Variants in GPR158 observed in about 807,000 individuals in gnomAD.
GPR158 encodes the protein G protein-coupled receptor 158, also known as metabotropic glycine receptor.
In GPR158, 30 loss-of-function variants were observed where a neutral mutation model predicts 78.2. The observed-to-expected ratio is 0.38, with a 90% CI of 0.29 to 0.52. GPR158 has a LOEUF of 0.52. GPR158 is among the 20% of genes least tolerant of loss of function. GPR158 has a pLI of 0.83. For missense variants in GPR158, 1,463 were observed against 1,523.5 expected (o/e 0.96, Z 0.66); for synonymous variants, 581 against 591.1 (o/e 0.98, Z 0.25).
rs995094021 is a variant in GPR158, at chr10:25,562,552, T to G, written c.1515-10097T>G. 2.0e-5 allele frequency among the ~76,000 whole-genome samples: 3 copies of G among 152,216 alleles called. No individual in the cohort carries two copies. In the South Asian group the frequency reaches 6.2e-4, roughly 32 times the overall value. On this transcript the variant is annotated intron_variant, in intron 6 of 10. Coordinates refer to ENST00000376351, the MANE Select transcript of GPR158 (RefSeq NM_020752.3). ...CCTTAACCCATTCGTTAAGAGTATTTTGTTTAATGTTTACTTATCTGTGAA... is the reference window on the plus strand; with the variant it reads ...CCTTAACCCATTCGTTAAGAGTATTGTGTTTAATGTTTACTTATCTGTGAA...
rs1339001209 is a variant in GPR158 at position 25,601,958 on chromosome 10, C to T, written c.*2684C>T. The T allele has an allele frequency of 1.3e-5, 2 of 152,560 alleles. No individual in the cohort carries two copies. The highest frequency in any genetic ancestry group is 2.9e-5 in the Non-Finnish European group (2 of 68,022). The allele number at this position is 152,560 out of a possible 1,614,324, so 9.5% of individuals were successfully genotyped here. On this transcript the variant is annotated 3_prime_UTR_variant, in exon 11 of 11. Transcript: ENST00000376351. ...GTGGCAATATGGATTTGAAACTCGA[C>T]AGTTCTCTTGTATTTGCTTCCTAGG... is the stretch of plus-strand genomic sequence containing the variant.
intron 2 of GPR158, among the ~76,000 whole-genome samples, chr10:25,324,600 A>G (rs562212253): frequency 5.1e-4 from 77 of 152,320 alleles, no homozygotes; most frequent in African/African-American, 1.8e-3. Flanking sequence ...AATGTGACAC[A>G]CAGACGCAAA....
chr10:25,314,955 T>C (rs536674813), intron 2 of GPR158, among the ~76,000 whole-genome samples: 2 of 150,542 alleles, frequency 1.3e-5, no homozygotes, highest in South Asian at 4.2e-4. Context: ...ACATTTTGTA[T>C]ATTTTATTAA....
At chr10:25,476,767 A>C (rs150048551) in intron 5 of GPR158, among the ~76,000 whole-genome samples, 2,428 of 152,192 alleles carry the variant, frequency 0.016, 31 homozygotes, top group Non-Finnish European at 0.025. Context: ...TACTCAAATG[A>C]CATCAAACGG....
At chr10:25,371,146 T>C (rs576626108) in intron 2 of GPR158, among the ~76,000 whole-genome samples, 94 of 148,724 alleles carry the variant, frequency 6.3e-4, no homozygotes, top group African/African-American at 2.2e-3. Context: ...TGTCTTTTAA[T>C]TGGAGCACTT....
intron 1 of GPR158, among the ~76,000 whole-genome samples, chr10:25,177,415 G>A (rs909307240): frequency 4.6e-5 from 7 of 152,156 alleles, no homozygotes; most frequent in Non-Finnish European, 1.0e-4. Context: ...TGGGGGCTGA[G>A]GTTGCTTTTG....
chr10:25,496,869 T>C (rs2130653506), intron 5 of GPR158, among the ~76,000 whole-genome samples: 1 of 152,220 alleles, frequency 6.6e-6, no homozygotes, highest in South Asian at 2.1e-4. Flanking sequence ...TGAGGAACAG[T>C]TGTTTGATCA....
chr10:25,347,168 G>A (rs1302457452), intron 2 of GPR158, among the ~76,000 whole-genome samples: 2 of 151,946 alleles, frequency 1.3e-5, no homozygotes, highest in Non-Finnish European at 2.9e-5. Flanking sequence ...TGCATTCCTA[G>A]TTTGGAGACT....
At chr10:25,293,534 G>A (rs1934555) in intron 2 of GPR158, among the ~76,000 whole-genome samples, 3 of 152,108 alleles carry the variant, frequency 2.0e-5, no homozygotes, top group Non-Finnish European at 4.4e-5. Context: ...ATTTTTGGAG[G>A]CAAATTGGCA....
Position 25,418,848 on chromosome 10 carries a change from A to T in GPR158, c.1335+6375A>T, listed in dbSNP as rs142151888. On this transcript the variant is annotated intron_variant, in intron 4 of 10. Coordinates refer to ENST00000376351, the MANE Select transcript of GPR158 (RefSeq NM_020752.3). ...AAGAAAAGACTGATTTTTAAAAAAC[A>T]TGGACACACTGTAGTTGGTATTTTC... Among the ~76,000 whole-genome samples the T allele has an allele frequency of 5.4e-3, 804 of 149,872 alleles. 12 individuals carry two copies. Among genetic ancestry groups the T allele is most frequent in the African/African-American group, 0.019 (778 of 40,798 alleles).
At chr10:25,289,397 G>A (rs1854400810) in intron 2 of GPR158, among the ~76,000 whole-genome samples, 2 of 152,110 alleles carry the variant, frequency 1.3e-5, no homozygotes, top group Admixed American at 1.3e-4. Context: ...AGCAGGTGAG[G>A]AAAAAGCCTT....
chr10:25,182,391 T>G (rs1271205879), intron 1 of GPR158, among the ~76,000 whole-genome samples: 1 of 152,200 alleles, frequency 6.6e-6, no homozygotes, highest in African/African-American at 2.4e-5. Context: ...ACTTACTTTT[T>G]AAAAACAACC....
rs1837449632 is a variant in GPR158 at position 25,598,775 on chromosome 10, A to G, written c.3149A>G (p.His1050Arg). 6.2e-7 allele frequency: 1 copy of G among 1,614,006 alleles called. No individual in the cohort carries two copies. Among genetic ancestry groups the G allele is most frequent in the African/African-American group, 1.3e-5 (1 of 74,902 alleles). Reference sequence around the variant, plus strand: ...TTTTCCTTAAAGGAGAAATCTCACCACAAGCCTAAGGCAGCTGAGGTTTGT... The same window carrying G: ...TTTTCCTTAAAGGAGAAATCTCACCGCAAGCCTAAGGCAGCTGAGGTTTGT... ...PTFSLKEKSH[H>R]KPKAAEVCQQ... is the part of the protein sequence containing the mutation. The change falls in exon 11 of 11, where the codon CAC (histidine) becomes CGC (arginine). Residue 1050 changes from histidine (H) to arginine (R), a missense_variant. Transcript: ENST00000376351.
chr10:25,580,596 ATAGAT>A (rs1346680465), intron 7 of GPR158, among the ~76,000 whole-genome samples: 1 of 152,248 alleles, frequency 6.6e-6, no homozygotes, highest in Non-Finnish European at 1.5e-5. Flanking sequence ...GTTACAGAAA[ATAGAT>A]TAGACTTTCT....
intron 5 of GPR158, among the ~76,000 whole-genome samples, chr10:25,496,780 G>A (rs768138331): frequency 7.9e-5 from 12 of 152,216 alleles, no homozygotes; most frequent in Non-Finnish European, 1.8e-4. Flanking sequence ...GAAAAGAGCA[G>A]AGTCCTGTGC....
chr10:25,291,085 A>G (rs534104685), intron 2 of GPR158, among the ~76,000 whole-genome samples: 5 of 152,174 alleles, frequency 3.3e-5, no homozygotes, highest in African/African-American at 1.2e-4. Flanking sequence ...ACGCATTTCT[A>G]TATTATAATT....
intron 5 of GPR158, among the ~76,000 whole-genome samples, chr10:25,524,138 C>T (rs1190777882): frequency 6.6e-6 from 1 of 152,044 alleles, no homozygotes; most frequent in Admixed American, 6.5e-5. Context: ...ATGAAAACTA[C>T]AAAACATCAT....
intron 2 of GPR158, among the ~76,000 whole-genome samples, chr10:25,313,260 AG>A (rs1328197544): frequency 2.4e-5 from 2 of 84,694 alleles, no homozygotes; most frequent in East Asian, 8.1e-4. Flanking sequence ...GGGTGGGGGG[AG>A]GGGGGAGGGA....
chr10:25,219,450 C>T (rs1564394374), intron 1 of GPR158, among the ~76,000 whole-genome samples: 1 of 152,108 alleles, frequency 6.6e-6, no homozygotes, highest in African/African-American at 2.4e-5. Flanking sequence ...CGTTATGGCC[C>T]ACAACAGTAA....
Sources: gnomAD v4.1 joint callset for allele counts (sites outside exome capture counted in the v4.1 genomes callset) on GRCh38, gnomAD v4.1.1 for gene constraint, MANE v1.5 for transcripts, NCBI Gene and HGNC (gene_info 2026-07-23, HGNC 2026-07-21) for gene names.